The following COPS2 variants were observed in gnomAD, a reference collection of about 807,000 sequenced individuals.
The protein encoded by COPS2 is COP9 signalosome subunit 2, also known as COP9 signalosome complex subunit 2.
In COPS2, 10 loss-of-function variants were observed where a neutral mutation model predicts 66.1. The observed-to-expected ratio is 0.15, with a 90% CI of 0.09 to 0.26. The LOEUF (loss-of-function observed/expected upper bound fraction) is 0.26, where lower values mean the gene tolerates loss of function less well. COPS2 is among the 10% of genes least tolerant of loss of function. The pLI is 1.00. For missense variants in COPS2, 215 were observed against 513.3 expected, an observed-to-expected ratio of 0.42 and a Z score of 5.62; for synonymous variants, 179 against 171.3, an observed-to-expected ratio of 1.04 and a Z score of -0.35.
chr15:49,125,800 T>C lies in COPS2; in HGVS notation c.*2150A>G, dbSNP rs1205120098. The stretch of plus-strand genomic sequence containing the variant: ...ATTATTATGGTATAACTTTGGATAC[T>C]GTTATATATTTAGCCCAGTTTTCCA... On this transcript the variant is annotated 3_prime_UTR_variant, in exon 13 of 13. Transcript: ENST00000388901. The C allele has an allele frequency of 6.6e-6, 1 of 152,128 alleles. No homozygotes were observed. The highest frequency in any genetic ancestry group is 1.5e-5 in the Non-Finnish European group (1 of 67,960). 9.4% of individuals were successfully genotyped at this position (152,128 alleles called of 1,614,324 possible).
intron 9 of COPS2, among the ~76,000 whole-genome samples, chr15:49,131,301 T>TA (rs2084206719): frequency 6.6e-6 from 1 of 152,008 alleles, no homozygotes; most frequent in Non-Finnish European, 1.5e-5. Flanking sequence ...TGCAGCTTCT[T>TA]AATTTTTATA....
intron 4 of COPS2, 130 bp from the exon 5 acceptor site, chr15:49,137,567 T>G: frequency 6.1e-6 from 4 of 652,570 alleles, no homozygotes; most frequent in Non-Finnish European, 1.0e-5. Flanking sequence ...TGTATCTTAC[T>G]GTCTTCTACA....
intron 2 of COPS2, among the ~76,000 whole-genome samples, chr15:49,144,552 T>C (rs908027480): frequency 6.6e-6 from 1 of 152,252 alleles, no homozygotes; most frequent in Non-Finnish European, 1.5e-5. Context: ...GATTATTATA[T>C]AGTTTCTGAA....
chr15:49,128,283 C>T (rs564225323), intron 12 of COPS2, among the ~76,000 whole-genome samples, 189 bp from the exon 13 acceptor site: 17 of 152,258 alleles, frequency 1.1e-4, no homozygotes, highest in African/African-American at 4.1e-4. Flanking sequence ...ATTTCAGATA[C>T]TTTTCATCAG....
At chr15:49,142,014 T>C (rs2084292843) in intron 3 of COPS2, among the ~76,000 whole-genome samples, 2 of 152,204 alleles carry the variant, frequency 1.3e-5, no homozygotes, top group African/African-American at 4.8e-5. Context: ...GCACTATAAT[T>C]GTTTAATCAC....
intron 11 of COPS2, 66 bp from the exon 12 acceptor site, chr15:49,128,826 T>C: frequency 9.3e-7 from 1 of 1,070,316 alleles, no homozygotes; most frequent in East Asian, 2.4e-5. Flanking sequence ...ACACAATCAT[T>C]CTAATTTTAA....
intron 3 of COPS2, 146 bp from the exon 4 acceptor site, chr15:49,139,799 T>G (rs1452198448): frequency 8.6e-6 from 5 of 580,160 alleles, no homozygotes; most frequent in Non-Finnish European, 1.5e-5. Flanking sequence ...GAACTATGTA[T>G]GACAGGAACA....
intron 1 of COPS2, among the ~76,000 whole-genome samples, chr15:49,152,873 G>T (rs2084372467): frequency 6.6e-6 from 1 of 152,178 alleles, no homozygotes; most frequent in African/African-American, 2.4e-5. Context: ...TACTGCTCAT[G>T]TAGCGTAGGC....
intron 1 of COPS2, among the ~76,000 whole-genome samples, chr15:49,153,710 T>TA (rs1196168773): frequency 6.6e-6 from 1 of 152,210 alleles, no homozygotes; most frequent in African/African-American, 2.4e-5. Context: ...TATTTGACTA[T>TA]AAAAAAGAAT....
intron 6 of COPS2, among the ~76,000 whole-genome samples, chr15:49,136,936 C>A (rs1444151537): frequency 6.6e-6 from 1 of 151,886 alleles, no homozygotes; most frequent in African/African-American, 2.4e-5. Context: ...TTGCAGTGAG[C>A]CAAGATCGCA....
At chr15:49,155,346 T>G (rs1170639731) in intron 1 of COPS2, among the ~76,000 whole-genome samples, 179 bp downstream of exon 1, 1 of 152,124 alleles carries the variant, frequency 6.6e-6, no homozygotes, top group Admixed American at 6.5e-5. Flanking sequence ...TCCCCCATGC[T>G]GGAGAAGCAG....
At chr15:49,147,635 C>T (rs1291114690) in intron 1 of COPS2, among the ~76,000 whole-genome samples, 2 of 147,214 alleles carry the variant, frequency 1.4e-5, no homozygotes, top group African/African-American at 5.0e-5. Context: ...CATTCAGTCA[C>T]GGAATACTTA....
chr15:49,123,440 C>G lies in COPS2; in HGVS notation c.*4510G>C, dbSNP rs2084140111. On this transcript the variant is annotated 3_prime_UTR_variant, in exon 13 of 13. Coordinates refer to ENST00000388901, the MANE Select transcript of COPS2 (RefSeq NM_004236.4). ...TGGTAATTCTTTTCATGGCATATGA[C>G]ATTTGCCTGTGTCAGAAATAAGTGA... The G allele has an allele frequency of 6.6e-6, 1 of 152,152 alleles. No individual in the cohort carries two copies. The highest frequency in any genetic ancestry group is 2.4e-5 in the African/African-American group (1 of 41,444). The allele number at this position is 152,152 out of a possible 1,614,324, so 9.4% of individuals were successfully genotyped here.
chr15:49,149,156 A>C (rs1448708116), intron 1 of COPS2, among the ~76,000 whole-genome samples: 1 of 152,366 alleles, frequency 6.6e-6, no homozygotes, highest in East Asian at 1.9e-4. Context: ...CTAAAGTTCA[A>C]TAATAGTTCC....
chr15:49,132,234 T>A (rs1324326043), intron 9 of COPS2, among the ~76,000 whole-genome samples: 1 of 151,908 alleles, frequency 6.6e-6, no homozygotes, highest in East Asian at 1.9e-4. Context: ...CCTTTAATAA[T>A]GAAAAGCAAC....
chr15:49,130,019 T>G (rs561573871), intron 10 of COPS2, among the ~76,000 whole-genome samples: 59 of 152,300 alleles, frequency 3.9e-4, no homozygotes, highest in African/African-American at 1.2e-3. Flanking sequence ...TGTACAAAGA[T>G]TCTACGTTTT....
chr15:49,147,754 ATGAC>A (rs1010050033), intron 1 of COPS2, among the ~76,000 whole-genome samples: 5 of 151,130 alleles, frequency 3.3e-5, no homozygotes, highest in Admixed American at 6.6e-5. Flanking sequence ...AAAAATCACA[ATGAC>A]TGAGAAAAGA....
At chr15:49,151,098 A>C (rs1195691983) in intron 1 of COPS2, among the ~76,000 whole-genome samples, 4 of 152,142 alleles carry the variant, frequency 2.6e-5, no homozygotes, top group Non-Finnish European at 1.5e-5. Flanking sequence ...TAATACATTT[A>C]AATAATTATA....
At chr15:49,131,612 G>A (rs539505826) in intron 9 of COPS2, among the ~76,000 whole-genome samples, 2 of 151,874 alleles carry the variant, frequency 1.3e-5, no homozygotes, top group Non-Finnish European at 2.9e-5. Context: ...TTAGGGGCAC[G>A]TGATTCAAGT....
Sources: allele counts gnomAD v4.1 joint callset (sites outside exome capture counted in the v4.1 genomes callset), GRCh38; gene constraint gnomAD v4.1.1; transcripts MANE v1.5; gene names NCBI Gene and HGNC (gene_info 2026-07-23, HGNC 2026-07-21).